KCNJ15: variants seen among roughly 807,000 people sequenced by gnomAD.
The protein encoded by KCNJ15 is ATP-sensitive inward rectifier potassium channel 15.
In KCNJ15, 14 loss-of-function variants were observed where a neutral mutation model predicts 23.0. The observed-to-expected ratio is 0.61, with a 90% CI of 0.40 to 0.95. The LOEUF (loss-of-function observed/expected upper bound fraction) is 0.95. KCNJ15 is among the 40% of genes least tolerant of loss of function. The probability of loss-of-function intolerance (pLI) is 0.00; values close to 1 mark genes in which losing one functional copy is unlikely to be tolerated. For synonymous variants in KCNJ15, 185 were observed against 183.2 expected, an observed-to-expected ratio of 1.01 and a Z score of -0.08; for missense variants, 388 against 461.8, an observed-to-expected ratio of 0.84 and a Z score of 1.46.
chr21:38,235,251 T>G (rs1315262485), intron 1 of KCNJ15, among the ~76,000 whole-genome samples: 1 of 152,102 alleles, frequency 6.6e-6, no homozygotes, highest in Non-Finnish European at 1.5e-5. Context: ...TCTTATTTTT[T>G]TTTTTTTAAA....
chr21:38,260,625 A>G (rs1166973120), intron 1 of KCNJ15, among the ~76,000 whole-genome samples: 1 of 152,214 alleles, frequency 6.6e-6, no homozygotes, highest in Non-Finnish European at 1.5e-5. Context: ...AATCAGGGTC[A>G]CGTGATCATG....
intron 1 of KCNJ15, among the ~76,000 whole-genome samples, chr21:38,282,097 A>AT (rs1323828669): frequency 3.3e-5 from 5 of 151,752 alleles, no homozygotes; most frequent in East Asian, 1.9e-4. Context: ...TCCTTTGCCC[A>AT]TTTTTTTTAA....
chr21:38,239,076 T>C (rs901858907), intron 1 of KCNJ15, among the ~76,000 whole-genome samples: 2 of 152,198 alleles, frequency 1.3e-5, no homozygotes, highest in Admixed American at 1.3e-4. Context: ...GTTATTGGCT[T>C]GCTATTAGAG....
upstream of KCNJ15, among the ~76,000 whole-genome samples, chr21:38,255,150 G>A (rs1047579097): frequency 2.6e-5 from 4 of 152,136 alleles, no homozygotes; most frequent in Admixed American, 2.0e-4. Flanking sequence ...CTTGGGGCAC[G>A]GACTTGGATC....
intron 1 of KCNJ15, among the ~76,000 whole-genome samples, chr21:38,286,330 C>A (rs1417405085): frequency 6.6e-6 from 1 of 152,164 alleles, no homozygotes; most frequent in African/African-American, 2.4e-5. Flanking sequence ...CTATGAAGAC[C>A]AAGCATTATG....
At chr21:38,251,107 A>G (rs537894915) in intron 1 of KCNJ15, among the ~76,000 whole-genome samples, 1 of 152,312 alleles carries the variant, frequency 6.6e-6, no homozygotes, top group South Asian at 2.1e-4. Flanking sequence ...GAGGCTTTCA[A>G]AGCAAGGCGG....
At chr21:38,268,643 T>A (rs1346345020) in intron 1 of KCNJ15, among the ~76,000 whole-genome samples, 2 of 144,772 alleles carry the variant, frequency 1.4e-5, no homozygotes. Context: ...AAATGGAAGG[T>A]CATTCTAATG....
chr21:38,276,414 A>G (rs1339526666), intron 1 of KCNJ15, among the ~76,000 whole-genome samples: 1 of 152,076 alleles, frequency 6.6e-6, no homozygotes, highest in Non-Finnish European at 1.5e-5. Flanking sequence ...TAATTTCAGT[A>G]CTAAATTATG....
At chr21:38,259,288 G>A (rs546734701) in intron 1 of KCNJ15, among the ~76,000 whole-genome samples, 8 of 152,240 alleles carry the variant, frequency 5.3e-5, no homozygotes, top group South Asian at 2.1e-4. Context: ...TGGTGGATGC[G>A]TCAGAGTCTT....
At chr21:38,236,690 C>T (rs1978626769) in intron 1 of KCNJ15, among the ~76,000 whole-genome samples, 1 of 152,198 alleles carries the variant, frequency 6.6e-6, no homozygotes, top group Admixed American at 6.5e-5. Flanking sequence ...TAACGTTTCA[C>T]CCAAAATGAG....
At position 38,299,293 on chromosome 21, in the gene KCNJ15, C is replaced by T; in HGVS notation, c.32C>T (p.Thr11Ile). MDAIHIGMSS[T>I]PLVKHTAGAG... Reference sequence around the variant, plus strand: ...GCCATTCACATCGGCATGTCCAGCACCCCCCTGGTGAAGCACACTGCTGGG... The same window carrying T: ...GCCATTCACATCGGCATGTCCAGCATCCCCCTGGTGAAGCACACTGCTGGG... Residue 11 changes from threonine to isoleucine, a missense_variant, in exon 3 of 3, where the codon ACC becomes ATC. Thr to Ile is a moderately conservative substitution (Grantham distance 89). Coordinates refer to ENST00000398938, the MANE Select transcript of KCNJ15 (RefSeq NM_170736.3). This position sits in a 1 kb window ranked among gnomAD's most constrained non-coding sequence, Gnocchi z 4.5. The T allele has an allele frequency of 3.1e-6, 5 of 1,613,100 alleles. No homozygotes were observed. The highest frequency in any genetic ancestry group is 1.1e-5 in the South Asian group (1 of 91,008).
At chr21:38,275,108 C>G (rs1213048254) in intron 1 of KCNJ15, among the ~76,000 whole-genome samples, 3 of 152,138 alleles carry the variant, frequency 2.0e-5, no homozygotes, top group African/African-American at 7.2e-5. Flanking sequence ...CCTGTTCAAC[C>G]TTTCTACTTC....
At chr21:38,271,297 G>A (rs762282152) in intron 1 of KCNJ15, among the ~76,000 whole-genome samples, 51 of 152,198 alleles carry the variant, frequency 3.4e-4, no homozygotes, top group Non-Finnish European at 6.0e-4. Flanking sequence ...GAAGCTCGGA[G>A]GGGCTGGGTC....
At chr21:38,246,119 G>A (rs1386829686) in intron 1 of KCNJ15, among the ~76,000 whole-genome samples, 1 of 152,186 alleles carries the variant, frequency 6.6e-6, no homozygotes, top group Non-Finnish European at 1.5e-5. Flanking sequence ...AAATGACACG[G>A]TAGACATAAG....
chr21:38,278,336 C>G (rs900114873), intron 1 of KCNJ15, among the ~76,000 whole-genome samples: 3 of 152,172 alleles, frequency 2.0e-5, no homozygotes, highest in African/African-American at 7.2e-5. Context: ...CAATCTTAAA[C>G]ATTGTCGCCA....
chr21:38,281,049 T>C (rs1159900528), intron 1 of KCNJ15, among the ~76,000 whole-genome samples: 4 of 152,154 alleles, frequency 2.6e-5, no homozygotes, highest in Non-Finnish European at 4.4e-5. Flanking sequence ...CAGCCTCGCC[T>C]GGGAGCTGGT....
At position 38,304,853 on chromosome 21, in the gene KCNJ15, GT is replaced by G. The variant is rs574049245; in HGVS notation, c.*4465del. 2.5e-4 allele frequency: 38 copies of G among 149,652 alleles called. 1 individual carries two copies. Among genetic ancestry groups the G allele is most frequent in the African/African-American group, 9.0e-4 (37 of 41,010 alleles). 9.3% of individuals were successfully genotyped at this position (149,652 alleles called of 1,614,324 possible). ...ACCATGCCCGGCTAATTTTGTTTTT[GT>G]GTTTTTAGTAGAGACGGGGTTTCAC... On this transcript the variant is annotated 3_prime_UTR_variant, in exon 3 of 3. Coordinates refer to ENST00000398938, the MANE Select transcript of KCNJ15 (RefSeq NM_170736.3).
intron 1 of KCNJ15, among the ~76,000 whole-genome samples, chr21:38,248,678 C>T (rs931743755): frequency 3.9e-5 from 6 of 152,152 alleles, no homozygotes; most frequent in African/African-American, 1.4e-4. Flanking sequence ...TCCCACAATT[C>T]AAACATGAGA....
At chr21:38,254,594 C>T (rs1980059578), upstream of KCNJ15, among the ~76,000 whole-genome samples, 1 of 152,090 alleles carries the variant, frequency 6.6e-6, no homozygotes, top group African/African-American at 2.4e-5. Context: ...GAAGAAGCTA[C>T]ATATGCATAT....
Sources: allele counts gnomAD v4.1 joint callset (sites outside exome capture counted in the v4.1 genomes callset), GRCh38; gene constraint gnomAD v4.1.1; non-coding constraint Gnocchi (gnomAD v3.1); transcripts MANE v1.5; gene names NCBI Gene and HGNC (gene_info 2026-07-23, HGNC 2026-07-21).